Variants in ARHGAP26 observed in about 807,000 individuals in gnomAD.
ARHGAP26 encodes rho GTPase-activating protein 26.
A neutral mutation model predicts 104.8 loss-of-function variants in ARHGAP26; 38 were observed. The ratio of observed to expected loss-of-function variants is 0.36; its 90% CI spans 0.28 to 0.48. The LOEUF (loss-of-function observed/expected upper bound fraction) is 0.48. Ranked by LOEUF, ARHGAP26 falls within the 20% of genes least tolerant of loss-of-function variation. ARHGAP26 has a pLI of 0.99. For missense variants in ARHGAP26, 704 were observed against 947.9 expected, an observed-to-expected ratio of 0.74 and a Z score of 3.38; for synonymous variants, 341 against 340.0, an observed-to-expected ratio of 1.00 and a Z score of -0.03.
chr5:143,223,136 G>A lies in ARHGAP26; in HGVS notation c.*690G>A. The A allele has an allele frequency of 4.3e-6, 1 of 233,550 alleles. No homozygotes were observed. The highest frequency in any genetic ancestry group is 8.5e-6 in the Non-Finnish European group (1 of 117,948). The allele number at this position is 233,550 out of a possible 1,614,324, so 14.5% of individuals were successfully genotyped here. A position where few individuals can be genotyped will look rare whatever the true frequency, so the allele number is the denominator to read the frequency against. On this transcript the variant is annotated 3_prime_UTR_variant, in exon 23 of 23. Coordinates refer to ENST00000645722, the MANE Select transcript of ARHGAP26 (RefSeq NM_001135608.3). ...AGGAACCTCTCTGCCACCAAGGGCT[G>A]CCATCCATCGCCTAGTAACCACGGC...
intron 10 of ARHGAP26, among the ~76,000 whole-genome samples, chr5:142,918,402 C>T (rs948776255): frequency 6.6e-6 from 1 of 152,232 alleles, no homozygotes; most frequent in African/African-American, 2.4e-5. Context: ...CTGCCTCGGC[C>T]TCCCGAAGTG....
At chr5:143,217,118 C>T (rs964043405) in intron 22 of ARHGAP26, among the ~76,000 whole-genome samples, 4 of 151,722 alleles carry the variant, frequency 2.6e-5, no homozygotes, top group Non-Finnish European at 5.9e-5. Flanking sequence ...AGAAAGTGCA[C>T]GTGTGTGTGT....
chr5:143,173,154 T>A (rs1010050702), intron 20 of ARHGAP26: 1 of 166,878 alleles, frequency 6.0e-6, no homozygotes, highest in Non-Finnish European at 1.3e-5. Context: ...GGCTGCATCT[T>A]GGTAAGTGAG....
chr5:142,856,003 G>A (rs1752297117), intron 1 of ARHGAP26, among the ~76,000 whole-genome samples: 1 of 152,232 alleles, frequency 6.6e-6, no homozygotes, highest in Non-Finnish European at 1.5e-5. Flanking sequence ...AAGTCACACA[G>A]CAGACAGACC....
At chr5:143,146,098 T>C (rs1201533128) in intron 19 of ARHGAP26, among the ~76,000 whole-genome samples, 1 of 152,220 alleles carries the variant, frequency 6.6e-6, no homozygotes, top group East Asian at 1.9e-4. Flanking sequence ...AGCCTAGATA[T>C]GATGTTTAAG....
rs772425317 is a variant in ARHGAP26, at chr5:143,225,283, G to C, written c.*2837G>C. On this transcript the variant is annotated 3_prime_UTR_variant, in exon 23 of 23. Transcript: ENST00000645722. ...GCTCACTGCAACCTCCACCTCCCAG[G>C]TTCAAGTGATTCTCCTGTCTCAGCC... The C allele has an allele frequency of 1.6e-5, 3 of 182,708 alleles. No individual in the cohort carries two copies. In the Admixed American group the frequency reaches 1.9e-4, roughly 11 times the overall value. The allele number at this position is 182,708 out of a possible 1,614,324, so 11.3% of individuals were successfully genotyped here.
chr5:143,167,345 G>A (rs1802109061), intron 20 of ARHGAP26, among the ~76,000 whole-genome samples: 1 of 147,480 alleles, frequency 6.8e-6, no homozygotes, highest in Non-Finnish European at 1.5e-5. Context: ...AGCTGGGCCT[G>A]ATGGCATGCG....
intron 1 of ARHGAP26, among the ~76,000 whole-genome samples, chr5:142,804,814 C>A (rs1318203988): frequency 4.0e-5 from 6 of 151,724 alleles, no homozygotes; most frequent in Admixed American, 3.3e-4. Flanking sequence ...TTTTTTTAAA[C>A]TTTTTATTCA....
Position 142,788,280 on chromosome 5 carries a change from C to T in ARHGAP26, c.154+17365C>T, listed in dbSNP as rs1408144859. On this transcript the variant is annotated intron_variant, in intron 1 of 22. Coordinates refer to ENST00000645722, the MANE Select transcript of ARHGAP26 (RefSeq NM_001135608.3). ...CCTCCCAAAGTGCTGGGATTACAGGCACGAGACACCGCGCCCGGCCAATTA... is the reference window on the plus strand; with the variant it reads ...CCTCCCAAAGTGCTGGGATTACAGGTACGAGACACCGCGCCCGGCCAATTA... Among the ~76,000 whole-genome samples the T allele has an allele frequency of 2.6e-5, 4 of 152,100 alleles. 1 individual carries two copies. Among genetic ancestry groups the T allele is most frequent in the Admixed American group, 2.6e-4 (4 of 15,264 alleles).
At chr5:143,126,071 C>G (rs1021311781) in intron 18 of ARHGAP26, among the ~76,000 whole-genome samples, 17 of 152,242 alleles carry the variant, frequency 1.1e-4, no homozygotes, top group African/African-American at 4.1e-4. Context: ...CCCATTTTAT[C>G]AAGATAGAAC....
chr5:142,852,089 G>C (rs1057302069), intron 1 of ARHGAP26, among the ~76,000 whole-genome samples: 1 of 152,194 alleles, frequency 6.6e-6, no homozygotes, highest in African/African-American at 2.4e-5. Context: ...TGTTCTAGAG[G>C]GTTGGATAGG....
chr5:143,032,852 T>C (rs1782081107), intron 12 of ARHGAP26, among the ~76,000 whole-genome samples: 1 of 152,120 alleles, frequency 6.6e-6, no homozygotes, highest in Admixed American at 6.6e-5. Context: ...CACATGTGTG[T>C]GTGTGAAAAA....
At chr5:142,783,467 TTA>T (rs1757924231) in intron 1 of ARHGAP26, among the ~76,000 whole-genome samples, 1 of 152,230 alleles carries the variant, frequency 6.6e-6, no homozygotes, top group Non-Finnish European at 1.5e-5. Context: ...GAGCCTGTAA[TTA>T]TGTTTCACAT....
chr5:142,915,304 G>A (rs1039513664), intron 10 of ARHGAP26, among the ~76,000 whole-genome samples: 1 of 151,816 alleles, frequency 6.6e-6, no homozygotes, highest in Non-Finnish European at 1.5e-5. Flanking sequence ...CCCTCTGCAT[G>A]GCGTGGAGAG....
At chr5:142,903,731 G>A in intron 8 of ARHGAP26, 62 bp downstream of exon 8, 5 of 1,570,428 alleles carry the variant, frequency 3.2e-6, no homozygotes, top group Non-Finnish European at 4.3e-6. Flanking sequence ...GAAGGTGGAG[G>A]ATGTATTCAG....
At chr5:142,948,651 C>CTT (rs200386668) in intron 11 of ARHGAP26, among the ~76,000 whole-genome samples, 1 of 140,932 alleles carries the variant, frequency 7.1e-6, no homozygotes, top group East Asian at 2.0e-4. Context: ...TTCCTTAGCT[C>CTT]TTTTTTTTTT....
intron 1 of ARHGAP26, among the ~76,000 whole-genome samples, chr5:142,775,606 A>C (rs1041905982): frequency 1.3e-5 from 2 of 152,172 alleles, no homozygotes; most frequent in African/African-American, 4.8e-5. Context: ...CTCAAACTGG[A>C]ACTCTGTTCC....
At chr5:143,125,506 G>C (rs1473469632) in intron 18 of ARHGAP26, among the ~76,000 whole-genome samples, 1 of 152,160 alleles carries the variant, frequency 6.6e-6, no homozygotes, top group East Asian at 1.9e-4. Context: ...CAGAACTTCT[G>C]TCCTCCACCT....
At chr5:142,827,251 C>T (rs1767476266) in intron 1 of ARHGAP26, among the ~76,000 whole-genome samples, 3 of 152,060 alleles carry the variant, frequency 2.0e-5, no homozygotes, top group African/African-American at 7.2e-5. Flanking sequence ...TGTGGCATGG[C>T]CCTGTGTCCT....
Sources: allele counts gnomAD v4.1 joint callset (sites outside exome capture counted in the v4.1 genomes callset), GRCh38; gene constraint gnomAD v4.1.1; transcripts MANE v1.5; gene names NCBI Gene and HGNC (gene_info 2026-07-23, HGNC 2026-07-21).